Variants in POLR3A observed in about 807,000 individuals in gnomAD.
POLR3A encodes the protein RNA polymerase III subunit A, also known as DNA-directed RNA polymerase III subunit RPC1.
Under a neutral mutation model 152.8 loss-of-function variants are expected in POLR3A, and 112 were observed. The observed-to-expected ratio is 0.73, with a 90% confidence interval of 0.63 to 0.86. The LOEUF (loss-of-function observed/expected upper bound fraction) is 0.86. Ranked by LOEUF, POLR3A falls within the 40% of genes least tolerant of loss-of-function variation. POLR3A has a pLI of 0.00. For synonymous variants in POLR3A, 615 were observed against 652.1 expected (o/e 0.94, Z 0.87); for missense variants, 1,385 against 1,743.1 (o/e 0.79, Z 3.66).
intron 12 of POLR3A, among the ~76,000 whole-genome samples, 191 bp downstream of exon 12, chr10:78,010,280 T>C (rs1349089141): frequency 7.4e-6 from 1 of 134,800 alleles, no homozygotes; most frequent in Non-Finnish European, 1.6e-5. Flanking sequence ...AATTAATGAA[T>C]AACCAACCAA....
At chr10:78,025,475 G>A (rs530735912) in intron 3 of POLR3A, 147 bp downstream of exon 3, 22 of 788,088 alleles carry the variant, frequency 2.8e-5, no homozygotes, top group South Asian at 1.6e-4. Context: ...GTGATTTAAC[G>A]TAGTGTGAGA....
At chr10:77,988,173 G>C (rs1470782291) in intron 21 of POLR3A, among the ~76,000 whole-genome samples, 1 of 152,108 alleles carries the variant, frequency 6.6e-6, no homozygotes, top group East Asian at 1.9e-4. Flanking sequence ...AGAGGCCCAC[G>C]GAGGGTGACC....
At chr10:78,016,670 C>T (rs560224334) in intron 10 of POLR3A, among the ~76,000 whole-genome samples, 7 of 149,620 alleles carry the variant, frequency 4.7e-5, no homozygotes, top group Admixed American at 1.3e-4. Context: ...GCCAAGACTG[C>T]GACACTGCAC....
At chr10:78,000,205 A>T in intron 18 of POLR3A, 87 bp from the exon 19 acceptor site, 1 of 1,143,148 alleles carries the variant, frequency 8.7e-7, no homozygotes, top group Non-Finnish European at 1.3e-6. Flanking sequence ...AAAATGCCCC[A>T]CCTTGAGACT....
Position 78,026,231 on chromosome 10 carries a change from TG to T in POLR3A, c.45-3del. 1.2e-6 allele frequency: 2 copies of T among 1,614,226 alleles called. No individual in the cohort carries two copies. Among genetic ancestry groups the T allele is most frequent in the Non-Finnish European group, 1.7e-6 (2 of 1,180,032 alleles). On this transcript the variant is annotated splice_polypyrimidine_tract_variant and splice_region_variant and intron_variant, in intron 1 of 30. Transcript: ENST00000372371. ...TTCATTCCAAAACAGATGTGGCTTC[TG>T]GAATGGGAAGAAAAAGGTGAAAATT...
chr10:78,009,407 A>G, intron 14 of POLR3A, 130 bp downstream of exon 14: 1 of 1,288,130 alleles, frequency 7.8e-7, no homozygotes, highest in Non-Finnish European at 1.1e-6. Flanking sequence ...CTGAAGAAAA[A>G]ACTTTCCACC....
Position 78,029,482 on chromosome 10 carries a change from G to A in POLR3A, c.-75C>T, listed in dbSNP as rs943883789. ...GAAACGATGCCCCCAGCACCTCCTG[G>A]GGCTGCTTCTGGACTCGCCGCTAAC... On this transcript the variant is annotated 5_prime_UTR_variant, in exon 1 of 31. Coordinates refer to ENST00000372371, the MANE Select transcript of POLR3A (RefSeq NM_007055.4). 3 of 1,510,756 alleles carry A rather than the reference G, an allele frequency of 2.0e-6. No homozygotes were observed. The highest frequency in any genetic ancestry group is 2.7e-5 in the African/African-American group (2 of 72,876). The allele number at this position is 1,510,756 out of a possible 1,614,324, so 93.6% of individuals were successfully genotyped here.
intron 24 of POLR3A, 40 bp from the exon 25 acceptor site, chr10:77,984,338 A>C (rs1185149617): frequency 8.2e-7 from 1 of 1,213,984 alleles, no homozygotes; most frequent in South Asian, 1.2e-5. Flanking sequence ...AGCACAAGGG[A>C]GGAGGCTGTT....
chr10:77,989,432 C>T (rs766998560), intron 21 of POLR3A, among the ~76,000 whole-genome samples: 2 of 152,216 alleles, frequency 1.3e-5, no homozygotes. Flanking sequence ...CTCAGCAAAT[C>T]TGAGCTCATC....
chr10:77,989,805 T>C (rs899532014), intron 21 of POLR3A, among the ~76,000 whole-genome samples: 4 of 151,946 alleles, frequency 2.6e-5, no homozygotes, highest in Admixed American at 6.6e-5. Context: ...TACGTAAACA[T>C]GAGCGTGAAG....
intron 21 of POLR3A, among the ~76,000 whole-genome samples, chr10:77,989,686 C>T (rs193157087): frequency 6.6e-5 from 10 of 152,322 alleles, no homozygotes; most frequent in Admixed American, 6.5e-4. Flanking sequence ...TGCTGGGGTG[C>T]TGCTGGAGTG....
rs16935497 is a variant in POLR3A, at chr10:77,980,178, A to G, written c.3987T>C (p.Phe1329=). The change falls in exon 30 of 31, where the codon TTT becomes TTC. Residue 1329 remains phenylalanine (F), a synonymous_variant. Coordinates refer to ENST00000372371, the MANE Select transcript of POLR3A (RefSeq NM_007055.4). ...ASFEKTADHL[F]DAAYFGQKDS... The stretch of plus-strand genomic sequence containing the variant: ...CCTTCTGCCCGAAGTAGGCAGCGTC[A>G]AAGAGATGGTCAGCCGTCTTCTCAA... 1,384 of 1,614,106 alleles carry G rather than the reference A, an allele frequency of 8.6e-4. 13 individuals are homozygous for G. The African/African-American group carries it at 0.014, about 17-fold the overall frequency.
At chr10:78,017,521 A>G in intron 10 of POLR3A, 54 bp downstream of exon 10, 1 of 1,575,792 alleles carries the variant, frequency 6.3e-7, no homozygotes, top group South Asian at 1.1e-5. Context: ...TTAGCACTGA[A>G]CAGTCATGGC....
intron 30 of POLR3A, among the ~76,000 whole-genome samples, chr10:77,978,660 G>GTTTT (rs1349193901): frequency 1.5e-5 from 2 of 135,740 alleles, no homozygotes; most frequent in African/African-American, 5.5e-5. Flanking sequence ...CTTCATGCTA[G>GTTTT]TTTTTTTTTT....
intron 15 of POLR3A, among the ~76,000 whole-genome samples, chr10:78,006,856 T>C (rs1358930524): frequency 6.6e-6 from 1 of 152,152 alleles, no homozygotes; most frequent in Admixed American, 6.5e-5. Flanking sequence ...TGGTAGCTAA[T>C]GCCTGTAATC....
At chr10:77,991,002 T>A (rs1217102999) in intron 21 of POLR3A, 52 bp downstream of exon 21, 5 of 1,010,546 alleles carry the variant, frequency 4.9e-6, no homozygotes, top group Non-Finnish European at 7.9e-6. Flanking sequence ...GCAAACAGAG[T>A]TCTTTACGAC....
chr10:78,022,944 G>C (rs1847594297), intron 5 of POLR3A, among the ~76,000 whole-genome samples: 1 of 152,168 alleles, frequency 6.6e-6, no homozygotes, highest in Non-Finnish European at 1.5e-5. Context: ...GATTACCTGA[G>C]GTCAGGAGTT....
chr10:78,029,462 G>C lies in POLR3A; in HGVS notation c.-55C>G. On this transcript the variant is annotated 5_prime_UTR_variant, in exon 1 of 31. In the 5' UTR this introduces an upstream ATG that the reference lacks. Transcript: ENST00000372371. ...ACTCGGGAGGCCAGATTAGAGAAAC[G>C]ATGCCCCCAGCACCTCCTGGGGCTG... The C allele has an allele frequency of 6.3e-7, 1 of 1,585,234 alleles. No individual in the cohort carries two copies.
rs5786314 is a variant in POLR3A, at chr10:78,009,809, A to AC, written c.1770+54dup. ...ACGGTTCCACTCATTTCACCAGTCT[A>AC]CCCCCACAGACACATACACACACCT... On this transcript the variant is annotated intron_variant, in intron 13 of 30. Coordinates refer to ENST00000372371, the MANE Select transcript of POLR3A (RefSeq NM_007055.4). 0.016 allele frequency: 25,968 copies of AC among 1,608,896 alleles called. 3,319 individuals are homozygous for AC. In the African/African-American group the frequency reaches 0.29, roughly 18 times the overall value.
Sources: allele counts gnomAD v4.1 joint callset (sites outside exome capture counted in the v4.1 genomes callset), GRCh38; gene constraint gnomAD v4.1.1; transcripts MANE v1.5; gene names NCBI Gene and HGNC (gene_info 2026-07-23, HGNC 2026-07-21).